Variants in KIF5C observed in about 807,000 individuals in gnomAD.
KIF5C encodes kinesin family member 5C.
KIF5C carries 18 observed loss-of-function variants against 125.2 expected under a neutral mutation model. The observed-to-expected ratio is 0.14, with a 90% CI of 0.10 to 0.21. The LOEUF (loss-of-function observed/expected upper bound fraction) is 0.21, where lower values mean the gene tolerates loss of function less well. Among genes scored for constraint, KIF5C ranks in the 10% least tolerant of loss-of-function variants. The probability of loss-of-function intolerance (pLI) is 1.00; values close to 1 mark genes in which losing one functional copy is unlikely to be tolerated. For synonymous variants in KIF5C, 405 were observed against 434.0 expected, an observed-to-expected ratio of 0.93 and a Z score of 0.83; for missense variants, 780 against 1,183.8, an observed-to-expected ratio of 0.66 and a Z score of 5.01.
chr2:148,981,060 A>T (rs1681220422), intron 13 of KIF5C, among the ~76,000 whole-genome samples: 1 of 152,190 alleles, frequency 6.6e-6, no homozygotes, highest in African/African-American at 2.4e-5. Flanking sequence ...TGATTTTTTG[A>T]TGTGTAATTC....
At position 149,005,291 on chromosome 2, in the gene KIF5C, C is replaced by A. The variant is rs375305880; in HGVS notation, c.2374-102C>A. The A allele has an allele frequency of 5.0e-3, 7,730 of 1,538,246 alleles. 24 individuals are homozygous for A. The highest frequency in any genetic ancestry group is 5.9e-3 in the Non-Finnish European group (6,736 of 1,137,860). ...AGGGAAGGGGGTGCACCAGCGGCGT[C>A]CATGGCAGGCTTGGGAAGTGTCGGG... On this transcript the variant is annotated intron_variant, in intron 21 of 25. Coordinates refer to ENST00000435030, the MANE Select transcript of KIF5C (RefSeq NM_004522.3).
At chr2:148,996,394 T>C (rs1004154717) in intron 17 of KIF5C, among the ~76,000 whole-genome samples, 1 of 152,232 alleles carries the variant, frequency 6.6e-6, no homozygotes, top group Non-Finnish European at 1.5e-5. Context: ...ACACATGGCA[T>C]GTTAGGAGTA....
At chr2:148,968,288 G>A (rs978091863) in intron 11 of KIF5C, among the ~76,000 whole-genome samples, 3 of 152,164 alleles carry the variant, frequency 2.0e-5, no homozygotes, top group African/African-American at 4.8e-5. Flanking sequence ...AGTCTCTAAC[G>A]CAGATTTGTT....
rs1680999475 is a variant in KIF5C, at chr2:148,974,267, A to T, written c.1293+756A>T. Among the ~76,000 whole-genome samples the T allele has an allele frequency of 1.3e-5, 2 of 152,266 alleles. 1 individual carries two copies. Among genetic ancestry groups the T allele is most frequent in the Admixed American group, 1.3e-4 (2 of 15,288 alleles). On this transcript the variant is annotated intron_variant, in intron 12 of 25. Coordinates refer to ENST00000435030, the MANE Select transcript of KIF5C (RefSeq NM_004522.3). ...ATTCTAAATCCTTTCAGTTGATTTC[A>T]TCAGGGTTGCTGATATTTTTAGCCT...
intron 11 of KIF5C, among the ~76,000 whole-genome samples, chr2:148,964,548 G>A (rs1341582096): frequency 6.6e-6 from 1 of 152,166 alleles, no homozygotes; most frequent in African/African-American, 2.4e-5. Flanking sequence ...AATGTATGAT[G>A]GTAGTCCACG....
intron 1 of KIF5C, among the ~76,000 whole-genome samples, chr2:148,887,251 T>G (rs1341782734): frequency 6.6e-6 from 1 of 152,272 alleles, no homozygotes; most frequent in African/African-American, 2.4e-5. Context: ...TTCTTTGTAC[T>G]TCTTTTAATG....
chr2:149,009,506 G>A (rs1682118764), intron 23 of KIF5C, among the ~76,000 whole-genome samples: 2 of 151,946 alleles, frequency 1.3e-5, no homozygotes, highest in Admixed American at 6.6e-5. Context: ...ACTTGTGGTG[G>A]TCAAATGACT....
intron 3 of KIF5C, among the ~76,000 whole-genome samples, chr2:148,931,366 A>G (rs1411672166): frequency 1.3e-5 from 2 of 152,202 alleles, no homozygotes; most frequent in African/African-American, 4.8e-5. Flanking sequence ...ATGTAGGGTG[A>G]TGGCAAAGAG....
intron 22 of KIF5C, among the ~76,000 whole-genome samples, chr2:149,006,170 T>C (rs1682001134): frequency 6.6e-6 from 1 of 152,086 alleles, no homozygotes; most frequent in Admixed American, 6.6e-5. Flanking sequence ...GAAAAGTGGG[T>C]GCATATGTGT....
At chr2:148,993,859 G>A (rs1681592713) in intron 16 of KIF5C, among the ~76,000 whole-genome samples, 1 of 152,200 alleles carries the variant, frequency 6.6e-6, no homozygotes, top group Non-Finnish European at 1.5e-5. Context: ...GGTGCTGTAA[G>A]AAAGTGTTGG....
intron 11 of KIF5C, among the ~76,000 whole-genome samples, chr2:148,965,949 C>T (rs1039413990): frequency 1.3e-5 from 2 of 152,176 alleles, no homozygotes; most frequent in Non-Finnish European, 2.9e-5. Context: ...AGTCCTAATT[C>T]TTCAGAGCAG....
rs779740680 is a variant in KIF5C, at chr2:149,011,632, G to A, written c.2830G>A (p.Gly944Arg). 7 of 1,614,066 alleles carry A rather than the reference G, an allele frequency of 4.3e-6. No individual in the cohort carries two copies. The East Asian group carries it at 8.9e-5, about 21-fold the overall frequency. ...SSPTAVHAIR[G>R]GGGSSSNSTH... ...TCCAACGGCCGTCCATGCCATTCGA[G>A]GGGGAGGAGGCAGCTCTTCAAATTC... The change falls in exon 25 of 26, where the codon GGG becomes AGG. Residue 944 changes from glycine to arginine, a missense_variant. This residue lies in a region of KIF5C where 573 missense variants were observed against 742.6 expected (regional missense o/e 0.77). Coordinates refer to ENST00000435030, the MANE Select transcript of KIF5C (RefSeq NM_004522.3).
chr2:148,966,737 G>T (rs1032258473), intron 11 of KIF5C, among the ~76,000 whole-genome samples: 5 of 152,084 alleles, frequency 3.3e-5, no homozygotes, highest in African/African-American at 1.2e-4. Flanking sequence ...GTAGGAGGTG[G>T]GGCCTTTGGG....
At chr2:148,948,025 C>T (rs1254558260) in intron 8 of KIF5C, 5 of 456,406 alleles carry the variant, frequency 1.1e-5, no homozygotes, top group African/African-American at 2.0e-5. Context: ...GAAAGTCATC[C>T]GGGTATTTCT....
chr2:148,906,770 G>A (rs1290542953), intron 1 of KIF5C, among the ~76,000 whole-genome samples: 1 of 152,166 alleles, frequency 6.6e-6, no homozygotes, highest in Non-Finnish European at 1.5e-5. Flanking sequence ...TGGGGCTGAG[G>A]TGGGAGGATT....
intron 15 of KIF5C, among the ~76,000 whole-genome samples, chr2:148,988,619 C>A (rs991350750): frequency 3.4e-4 from 52 of 152,186 alleles, no homozygotes; most frequent in Non-Finnish European, 8.8e-5. Context: ...TGTCTTTCTG[C>A]AGAGGCTGGA....
chr2:148,981,329 A>C (rs768993332), intron 13 of KIF5C, 26 bp from the exon 14 acceptor site: 62 of 1,583,170 alleles, frequency 3.9e-5, no homozygotes, highest in South Asian at 1.1e-4. Flanking sequence ...TAGATTCACA[A>C]GTTCCATGCC....
intron 18 of KIF5C, 191 bp from the exon 19 acceptor site, chr2:148,998,209 A>G (rs1379255930): frequency 4.0e-5 from 36 of 904,666 alleles, no homozygotes; most frequent in South Asian, 7.4e-5. Flanking sequence ...GTTTGATAAC[A>G]GATCTTGGGT....
chr2:148,971,332 C>G (rs1372145696), intron 11 of KIF5C, among the ~76,000 whole-genome samples: 3 of 150,018 alleles, frequency 2.0e-5, no homozygotes, highest in South Asian at 4.3e-4. Context: ...ATCTATCTAT[C>G]TATGTCTATC....
Sources: allele counts gnomAD v4.1 joint callset (sites outside exome capture counted in the v4.1 genomes callset), GRCh38; gene constraint gnomAD v4.1.1; regional missense constraint gnomAD v4.1.1; transcripts MANE v1.5; gene names NCBI Gene and HGNC (gene_info 2026-07-23, HGNC 2026-07-21).